Variants in NBEA observed in about 807,000 individuals in gnomAD.
NBEA encodes the protein lysosomal-trafficking regulator 2.
Under a neutral mutation model 343.4 loss-of-function variants are expected in NBEA, and 44 were observed. The observed-to-expected ratio is 0.13, with a 90% confidence interval of 0.10 to 0.16. The LOEUF (loss-of-function observed/expected upper bound fraction) is 0.16, where lower values mean the gene tolerates loss of function less well. Among genes scored for constraint, NBEA ranks in the 10% least tolerant of loss-of-function variants. The probability of loss-of-function intolerance (pLI) is 1.00; values close to 1 mark genes in which losing one functional copy is unlikely to be tolerated. For synonymous variants in NBEA, 1,175 were observed against 1,238.7 expected, an observed-to-expected ratio of 0.95 and a Z score of 1.08; for missense variants, 2,555 against 3,631.3, an observed-to-expected ratio of 0.70 and a Z score of 7.62.
At chr13:35,175,151 C>T (rs2070780941) in intron 27 of NBEA, among the ~76,000 whole-genome samples, 1 of 152,146 alleles carries the variant, frequency 6.6e-6, no homozygotes, top group Non-Finnish European at 1.5e-5. Flanking sequence ...TAGAATCAGA[C>T]AGTTCTGAGT....
chr13:35,349,645 T>G (rs1744211307), intron 37 of NBEA, among the ~76,000 whole-genome samples: 1 of 152,144 alleles, frequency 6.6e-6, no homozygotes, highest in South Asian at 2.1e-4. Context: ...ATTTATTATT[T>G]CAGTTTATTC....
chr13:35,333,162 G>A (rs924646335), intron 36 of NBEA, among the ~76,000 whole-genome samples: 3 of 152,024 alleles, frequency 2.0e-5, no homozygotes, highest in African/African-American at 7.2e-5. Flanking sequence ...CAATATGCAT[G>A]AGAATCATCA....
chr13:35,556,734 T>A (rs1317032469), intron 44 of NBEA, among the ~76,000 whole-genome samples: 1 of 152,138 alleles, frequency 6.6e-6, no homozygotes, highest in Admixed American at 6.6e-5. Context: ...CTCAATTTTA[T>A]TTCTCATTCA....
intron 34 of NBEA, among the ~76,000 whole-genome samples, chr13:35,257,488 A>G (rs1189830199): frequency 6.6e-6 from 1 of 152,216 alleles, no homozygotes; most frequent in Non-Finnish European, 1.5e-5. Flanking sequence ...GTAAATGACT[A>G]CTATGGTTAT....
At chr13:35,283,951 C>A (rs1483258813) in intron 34 of NBEA, among the ~76,000 whole-genome samples, 6 of 150,974 alleles carry the variant, frequency 4.0e-5, no homozygotes, top group Non-Finnish European at 8.8e-5. Flanking sequence ...TTTTCCTTTT[C>A]TCTTACAGAT....
intron 55 of NBEA, among the ~76,000 whole-genome samples, chr13:35,657,764 TAAAAG>T (rs986845604): frequency 1.3e-5 from 2 of 152,152 alleles, no homozygotes; most frequent in African/African-American, 4.8e-5. Context: ...AGAAAAAATT[TAAAAG>T]AAACAGAATA....
chr13:35,140,225 G>T (rs528069484), intron 17 of NBEA, among the ~76,000 whole-genome samples: 53 of 151,714 alleles, frequency 3.5e-4, no homozygotes, highest in African/African-American at 1.3e-3. Flanking sequence ...TGTTGCCCAG[G>T]CTTATCTCAA....
At chr13:35,610,509 G>A (rs2153054234) in intron 48 of NBEA, among the ~76,000 whole-genome samples, 1 of 152,178 alleles carries the variant, frequency 6.6e-6, no homozygotes, top group East Asian at 1.9e-4. Context: ...AAAAAGGAAG[G>A]GGAAGGTTTC....
At chr13:35,464,900 AT>A (rs1349773452) in intron 40 of NBEA, among the ~76,000 whole-genome samples, 1 of 152,100 alleles carries the variant, frequency 6.6e-6, no homozygotes, top group Non-Finnish European at 1.5e-5. Context: ...CTACTCATTA[AT>A]TTTCGTTGAC....
intron 35 of NBEA, among the ~76,000 whole-genome samples, chr13:35,301,265 G>A (rs768325121): frequency 1.3e-5 from 2 of 151,558 alleles, no homozygotes; most frequent in Non-Finnish European, 2.9e-5. Flanking sequence ...GTGGTTTGCT[G>A]CACCTGTCAA....
intron 38 of NBEA, among the ~76,000 whole-genome samples, chr13:35,400,624 A>G (rs562580824): frequency 1.3e-5 from 2 of 152,168 alleles, no homozygotes; most frequent in South Asian, 4.1e-4. Context: ...TGGGAGCTCT[A>G]TAAAATCTGA....
At chr13:35,601,359 T>TCC (rs1262742057) in intron 47 of NBEA, among the ~76,000 whole-genome samples, 1 of 152,092 alleles carries the variant, frequency 6.6e-6, no homozygotes, top group African/African-American at 2.4e-5. Flanking sequence ...ATAGACAAGG[T>TCC]CCCTACCTTT....
At chr13:35,525,292 C>T (rs1449483343) in intron 41 of NBEA, among the ~76,000 whole-genome samples, 1 of 152,178 alleles carries the variant, frequency 6.6e-6, no homozygotes, top group Non-Finnish European at 1.5e-5. Context: ...TGGCTCACGC[C>T]TGTAATCCTA....
chr13:35,474,656 T>A (rs1166040736), intron 41 of NBEA: 3 of 166,452 alleles, frequency 1.8e-5, no homozygotes, highest in Non-Finnish European at 3.9e-5. Flanking sequence ...TTACAGTTTC[T>A]TTCAGATGGC....
At chr13:35,401,867 T>TA (rs2043017429) in intron 38 of NBEA, among the ~76,000 whole-genome samples, 1 of 152,040 alleles carries the variant, frequency 6.6e-6, no homozygotes, top group South Asian at 2.1e-4. Context: ...CTAGTCATGA[T>TA]ATATGCCATT....
At chr13:35,621,715 T>G (rs2083000493) in intron 48 of NBEA, among the ~76,000 whole-genome samples, 1 of 147,046 alleles carries the variant, frequency 6.8e-6, no homozygotes, top group African/African-American at 2.5e-5. Context: ...TTACTGACAT[T>G]TCCTTTATTC....
chr13:35,370,162 C>T (rs899148457), intron 38 of NBEA, among the ~76,000 whole-genome samples: 3 of 151,818 alleles, frequency 2.0e-5, no homozygotes, highest in African/African-American at 4.8e-5. Flanking sequence ...TGGAGTCTAT[C>T]GCTCCCTTTA....
chr13:35,052,453 A>G (rs2063098222), intron 6 of NBEA, among the ~76,000 whole-genome samples: 2 of 152,004 alleles, frequency 1.3e-5, no homozygotes, highest in African/African-American at 4.8e-5. Flanking sequence ...TTATTTTCAT[A>G]TCTTCAATTT....
chr13:35,529,777 A>G (rs9574094), intron 41 of NBEA, among the ~76,000 whole-genome samples: 34,562 of 152,108 alleles, frequency 0.23, 4,421 homozygotes, highest in East Asian at 0.49. Flanking sequence ...GTATTTATTT[A>G]TAATGGTACA....
Sources: gnomAD v4.1 joint callset for allele counts (sites outside exome capture counted in the v4.1 genomes callset) on GRCh38, gnomAD v4.1.1 for gene constraint, MANE v1.5 for transcripts, NCBI Gene and HGNC (gene_info 2026-07-23, HGNC 2026-07-21) for gene names.